CUEDC1: variants seen among roughly 807,000 people sequenced by gnomAD.
CUEDC1 encodes CUE domain containing 1.
In CUEDC1, 30 loss-of-function variants were observed where a neutral mutation model predicts 43.7. That is an observed-to-expected ratio of 0.69 (90% CI 0.51 to 0.93). The LOEUF (loss-of-function observed/expected upper bound fraction) is 0.93, where lower values mean the gene tolerates loss of function less well. CUEDC1 is among the 40% of genes least tolerant of loss of function. The probability of loss-of-function intolerance (pLI) is 0.00; values close to 1 mark genes in which losing one functional copy is unlikely to be tolerated. For synonymous variants in CUEDC1, 223 were observed against 223.6 expected (o/e 1.00, Z 0.02); for missense variants, 486 against 549.0 (o/e 0.89, Z 1.15).
intron 1 of CUEDC1, among the ~76,000 whole-genome samples, chr17:57,932,856 CTG>C (rs2074822134): frequency 6.6e-6 from 1 of 150,994 alleles, no homozygotes; most frequent in Admixed American, 6.6e-5. Flanking sequence ...GAGCAAAACT[CTG>C]TCTTAAAAAA....
Position 57,863,226 on chromosome 17 carries a change from T to A in CUEDC1, c.*63A>T, listed in dbSNP as rs1177505268. ...TGGGCCCTTCAGCTGGGGGCCAGTG[T>A]TGCTTTCCAGCTGCCCCCACCGGGT... On this transcript the variant is annotated 3_prime_UTR_variant, in exon 11 of 11. Coordinates refer to ENST00000577830, the MANE Select transcript of CUEDC1 (RefSeq NM_001271875.2). 2 of 152,582 alleles carry A rather than the reference T, an allele frequency of 1.3e-5. No individual in the cohort carries two copies. Among genetic ancestry groups the A allele is most frequent in the Admixed American group, 1.3e-4 (2 of 15,282 alleles). The allele number at this position is 152,582 out of a possible 1,614,324, so 9.5% of individuals were successfully genotyped here.
chr17:57,872,522 T>C, intron 5 of CUEDC1, 141 bp downstream of exon 5: 1 of 901,902 alleles, frequency 1.1e-6, no homozygotes, highest in East Asian at 2.7e-5. Flanking sequence ...ATGGGATAAC[T>C]TGGTGGGAGT....
intron 1 of CUEDC1, among the ~76,000 whole-genome samples, chr17:57,913,077 G>A (rs2074601307): frequency 6.6e-6 from 1 of 152,118 alleles, no homozygotes; most frequent in African/African-American, 2.4e-5. Flanking sequence ...TGTAATCCCA[G>A]CACTTTGGGA....
chr17:57,881,266 C>G (rs1327924456), intron 2 of CUEDC1, among the ~76,000 whole-genome samples: 1 of 152,260 alleles, frequency 6.6e-6, no homozygotes, highest in Non-Finnish European at 1.5e-5. Context: ...AGGAGGCCTC[C>G]CGCCCTGGAA....
intron 4 of CUEDC1, 135 bp downstream of exon 4, chr17:57,873,456 C>T (rs1261070148): frequency 8.2e-5 from 87 of 1,061,922 alleles, no homozygotes; most frequent in Non-Finnish European, 1.1e-4. Context: ...TCCTGCCCTA[C>T]GAACCCAGGG....
At chr17:57,869,071 G>A in intron 7 of CUEDC1, 51 bp downstream of exon 7, 1 of 1,592,032 alleles carries the variant, frequency 6.3e-7, no homozygotes, top group Non-Finnish European at 8.6e-7. Context: ...GAGGCCACAG[G>A]GCCTGTCTCA....
intron 10 of CUEDC1, among the ~76,000 whole-genome samples, chr17:57,864,000 CAAA>C (rs71365846): frequency 3.6e-5 from 3 of 82,558 alleles, no homozygotes; most frequent in Admixed American, 1.3e-4. Flanking sequence ...GACTCCATCT[CAAA>C]AAAAAAAAAA....
At chr17:57,948,323 C>T (rs1469056660) in intron 1 of CUEDC1, among the ~76,000 whole-genome samples, 1 of 152,134 alleles carries the variant, frequency 6.6e-6, no homozygotes, top group African/African-American at 2.4e-5. Context: ...CTGAGCTCTC[C>T]TCACACGGCT....
Position 57,869,197 on chromosome 17 carries a change from G to A in CUEDC1, c.869-4C>T, listed in dbSNP as rs779540205. 9.9e-6 allele frequency: 16 copies of A among 1,613,416 alleles called. No homozygotes were observed. The highest frequency in any genetic ancestry group is 1.6e-4 in the Middle Eastern group (1 of 6,078). Reference sequence around the variant, plus strand: ...GCGGGGTTGGCGTCGCCAGTTCCTGGAAGGAGACACCTGCTGAAGGCCGGC... The same window carrying A: ...GCGGGGTTGGCGTCGCCAGTTCCTGAAAGGAGACACCTGCTGAAGGCCGGC... On this transcript the variant is annotated splice_polypyrimidine_tract_variant and splice_region_variant and intron_variant, in intron 6 of 10. Coordinates refer to ENST00000577830, the MANE Select transcript of CUEDC1 (RefSeq NM_001271875.2).
chr17:57,901,584 A>G (rs527389905), intron 1 of CUEDC1, among the ~76,000 whole-genome samples: 1 of 152,358 alleles, frequency 6.6e-6, no homozygotes, highest in Admixed American at 6.5e-5. Flanking sequence ...AAACAAAGGC[A>G]CTGCCAAATC....
At chr17:57,929,977 G>A (rs1399525547) in intron 1 of CUEDC1, among the ~76,000 whole-genome samples, 3 of 152,040 alleles carry the variant, frequency 2.0e-5, no homozygotes, top group Admixed American at 6.6e-5. Context: ...AATTTTTTTT[G>A]TATTTAGTAG....
intron 1 of CUEDC1, among the ~76,000 whole-genome samples, chr17:57,951,034 G>A (rs1306105350): frequency 6.6e-6 from 1 of 151,842 alleles, no homozygotes; most frequent in African/African-American, 2.4e-5. Context: ...TGTCACCCAT[G>A]ACATTTCAGT....
chr17:57,931,001 G>A (rs1220666417), intron 1 of CUEDC1, among the ~76,000 whole-genome samples: 1 of 152,158 alleles, frequency 6.6e-6, no homozygotes, highest in Non-Finnish European at 1.5e-5. Flanking sequence ...ACTTATTAAA[G>A]GAGCTGGCCG....
At chr17:57,874,525 G>A (rs977485174) in intron 3 of CUEDC1, among the ~76,000 whole-genome samples, 2 of 152,202 alleles carry the variant, frequency 1.3e-5, no homozygotes, top group Admixed American at 6.5e-5. Flanking sequence ...GAGGAAGAGG[G>A]GGTGGCACAC....
intron 10 of CUEDC1, among the ~76,000 whole-genome samples, 177 bp downstream of exon 10, chr17:57,866,297 T>C (rs1475786998): frequency 1.3e-5 from 2 of 152,212 alleles, no homozygotes; most frequent in African/African-American, 4.8e-5. Context: ...AGACATGCAA[T>C]GAACTAGTTC....
chr17:57,939,991 A>G (rs932451995), intron 1 of CUEDC1, among the ~76,000 whole-genome samples: 2 of 151,932 alleles, frequency 1.3e-5, no homozygotes, highest in African/African-American at 4.8e-5. Context: ...TGAGTCTTCA[A>G]TTCCCCTATG....
chr17:57,929,950 C>G (rs1383083155), intron 1 of CUEDC1, among the ~76,000 whole-genome samples: 2 of 152,142 alleles, frequency 1.3e-5, no homozygotes, highest in Non-Finnish European at 2.9e-5. Flanking sequence ...TACAGGCAGG[C>G]ACCACCACGC....
chr17:57,868,998 A>G, intron 7 of CUEDC1, 124 bp downstream of exon 7: 1 of 942,374 alleles, frequency 1.1e-6, no homozygotes, highest in Non-Finnish European at 1.6e-6. Flanking sequence ...CTGCGATGAA[A>G]ATGTCACTGG....
chr17:57,899,261 C>T (rs11868004), intron 1 of CUEDC1, among the ~76,000 whole-genome samples: 1 of 152,138 alleles, frequency 6.6e-6, no homozygotes, highest in African/African-American at 2.4e-5. Flanking sequence ...CTGCACCCCC[C>T]CAACCACAGA....
Sources: gnomAD v4.1 joint callset for allele counts (sites outside exome capture counted in the v4.1 genomes callset) on GRCh38, gnomAD v4.1.1 for gene constraint, MANE v1.5 for transcripts, NCBI Gene and HGNC (gene_info 2026-07-23, HGNC 2026-07-21) for gene names.